Variants in ZNF385D observed in about 807,000 individuals in gnomAD.
ZNF385D encodes the protein zinc finger protein 385D, also known as zinc finger protein 659.
ZNF385D carries 15 observed loss-of-function variants against 35.8 expected under a neutral mutation model. The observed-to-expected ratio is 0.42, with a 90% CI of 0.28 to 0.64. The LOEUF (loss-of-function observed/expected upper bound fraction) is 0.64. Among genes scored for constraint, ZNF385D ranks in the 30% least tolerant of loss-of-function variants. The pLI, the probability that ZNF385D is intolerant of heterozygous loss-of-function variation, is 0.23. For synonymous variants in ZNF385D, 212 were observed against 186.8 expected, an observed-to-expected ratio of 1.13 and a Z score of -1.10; for missense variants, 474 against 494.6, an observed-to-expected ratio of 0.96 and a Z score of 0.39.
In ZNF385D at chr3:21,564,385, C is replaced by T. The variant is rs187936444; in HGVS notation, c.276+189G>A. On this transcript the variant is annotated intron_variant, in intron 3 of 7. Transcript: ENST00000281523. ...TTAAGCTTGTTTACATGTGAATTTT[C>T]TGTAGTAAACAACCAAACATAACAT... Among the ~76,000 whole-genome samples, 415 of 152,302 alleles carry T rather than the reference C, an allele frequency of 2.7e-3. 1 individual carries two copies. The highest frequency in any genetic ancestry group is 4.4e-3 in the Non-Finnish European group (296 of 68,014).
chr3:21,472,628 A>C (rs1009339880), intron 4 of ZNF385D, among the ~76,000 whole-genome samples: 1 of 152,136 alleles, frequency 6.6e-6, no homozygotes, highest in Non-Finnish European at 1.5e-5. Context: ...AACAAACTGC[A>C]TCTTAAATTA....
intron 3 of ZNF385D, among the ~76,000 whole-genome samples, chr3:22,058,144 T>G (rs1199944679): frequency 1.3e-5 from 2 of 152,186 alleles, no homozygotes; most frequent in African/African-American, 4.8e-5. Context: ...TGTGGTTCCT[T>G]AAAGTATTGG....
intron 3 of ZNF385D, among the ~76,000 whole-genome samples, chr3:21,892,520 G>T (rs1698921432): frequency 6.6e-6 from 1 of 151,988 alleles, no homozygotes; most frequent in South Asian, 2.1e-4. Flanking sequence ...TTACTGATTT[G>T]GTAAAACTCA....
At chr3:21,804,705 C>T (rs2072557955) in intron 3 of ZNF385D, among the ~76,000 whole-genome samples, 1 of 152,112 alleles carries the variant, frequency 6.6e-6, no homozygotes, top group African/African-American at 2.4e-5. Flanking sequence ...CTAATTTAAA[C>T]AGTTTTTAAT....
chr3:21,966,461 G>C (rs1306064758), intron 3 of ZNF385D, among the ~76,000 whole-genome samples: 1 of 152,170 alleles, frequency 6.6e-6, no homozygotes, highest in Non-Finnish European at 1.5e-5. Context: ...GACTGGTTTG[G>C]ATTCATCACA....
intron 3 of ZNF385D, among the ~76,000 whole-genome samples, chr3:22,161,409 AAAT>A (rs1285526423): frequency 6.6e-6 from 1 of 152,104 alleles, no homozygotes; most frequent in Non-Finnish European, 1.5e-5. Context: ...AACAGCAGAA[AAAT>A]AATCTTTATT....
intron 2 of ZNF385D, among the ~76,000 whole-genome samples, chr3:22,243,906 T>C (rs1172494366): frequency 6.6e-6 from 1 of 150,806 alleles, no homozygotes; most frequent in Non-Finnish European, 1.5e-5. Context: ...AAGCTCAGGA[T>C]ACAGGAAAGA....
At chr3:21,961,039 T>C (rs149658319) in intron 3 of ZNF385D, among the ~76,000 whole-genome samples, 129 of 152,218 alleles carry the variant, frequency 8.5e-4, no homozygotes, top group Non-Finnish European at 7.4e-4. Flanking sequence ...TAATTTATTG[T>C]ACATTTTGAA....
At chr3:21,666,848 C>A (rs893398457) in intron 1 of ZNF385D, among the ~76,000 whole-genome samples, 2 of 152,054 alleles carry the variant, frequency 1.3e-5, no homozygotes. Flanking sequence ...AAGGTCAAGG[C>A]GGATGGATCA....
intron 2 of ZNF385D, among the ~76,000 whole-genome samples, chr3:21,617,900 A>G (rs890093952): frequency 6.6e-6 from 1 of 152,148 alleles, no homozygotes; most frequent in African/African-American, 2.4e-5. Flanking sequence ...AGCTTTCTGT[A>G]GCTGACAAAC....
At chr3:21,545,699 A>G (rs2125579612) in intron 3 of ZNF385D, among the ~76,000 whole-genome samples, 1 of 152,328 alleles carries the variant, frequency 6.6e-6, no homozygotes, top group Admixed American at 6.5e-5. Flanking sequence ...CTTCCCTATA[A>G]GGAGTCAAGT....
intron 3 of ZNF385D, among the ~76,000 whole-genome samples, chr3:21,984,872 G>C (rs1388623968): frequency 1.5e-5 from 2 of 136,508 alleles, no homozygotes; most frequent in South Asian, 3.0e-4. Context: ...TCCTTGAAGA[G>C]GTCCTTCACG....
Position 21,914,859 on chromosome 3 carries a change from T to G in ZNF385D, c.326-249831A>C, listed in dbSNP as rs549179907. On this transcript the variant is annotated intron_variant, in intron 3 of 5. Transcript: ENST00000494108. ...GTTCATTTCAAATCCAACAATGTTG[T>G]GGTAAATTACTTTGATGTTTAGCCA... Among the ~76,000 whole-genome samples, 38 of 151,856 alleles carry G rather than the reference T, an allele frequency of 2.5e-4. No individual in the cohort carries two copies. The South Asian group carries it at 7.7e-3, about 31-fold the overall frequency.
intron 1 of ZNF385D, among the ~76,000 whole-genome samples, chr3:21,710,818 T>G (rs1166410869): frequency 6.6e-6 from 1 of 152,098 alleles, no homozygotes; most frequent in African/African-American, 2.4e-5. Context: ...GGGGAATGCA[T>G]TACTACATGA....
intron 2 of ZNF385D, among the ~76,000 whole-genome samples, chr3:22,170,600 T>A (rs1244437435): frequency 6.6e-6 from 1 of 152,190 alleles, no homozygotes; most frequent in Non-Finnish European, 1.5e-5. Context: ...ATAACCTTGT[T>A]AAAATAATTT....
chr3:22,199,023 C>A (rs1696606317), intron 2 of ZNF385D, among the ~76,000 whole-genome samples: 1 of 152,062 alleles, frequency 6.6e-6, no homozygotes, highest in South Asian at 2.1e-4. Context: ...GATTATTGAT[C>A]TTTACAAGTA....
intron 2 of ZNF385D, among the ~76,000 whole-genome samples, chr3:21,617,151 T>C (rs1340246350): frequency 2.0e-5 from 3 of 152,210 alleles, no homozygotes; most frequent in African/African-American, 7.2e-5. Flanking sequence ...ATTAGAGAAT[T>C]CTGGCTTCTG....
chr3:21,598,533 CAATATCT>C (rs1446356711), intron 2 of ZNF385D, among the ~76,000 whole-genome samples: 3 of 152,088 alleles, frequency 2.0e-5, no homozygotes, highest in Admixed American at 1.3e-4. Flanking sequence ...GACAGTGAAG[CAATATCT>C]TTGTTCAAAA....
At chr3:21,839,433 T>G (rs1695525937) in intron 3 of ZNF385D, among the ~76,000 whole-genome samples, 1 of 152,084 alleles carries the variant, frequency 6.6e-6, no homozygotes, top group Non-Finnish European at 1.5e-5. Flanking sequence ...GCCTAGCTTC[T>G]TCTCTAAAAT....
Sources: gnomAD v4.1 joint callset for allele counts (sites outside exome capture counted in the v4.1 genomes callset) on GRCh38, gnomAD v4.1.1 for gene constraint, MANE v1.5 for transcripts, NCBI Gene and HGNC (gene_info 2026-07-23, HGNC 2026-07-21) for gene names.